Variants in DIAPH2 observed in about 807,000 individuals in gnomAD.
DIAPH2 encodes the protein diaphanous related formin 2, also known as protein diaphanous homolog 2.
Under a neutral mutation model 92.7 loss-of-function variants are expected in DIAPH2, and 35 were observed. The observed-to-expected ratio is 0.38, with a 90% CI of 0.29 to 0.50. The LOEUF is 0.50. Among genes scored for constraint, DIAPH2 ranks in the 20% least tolerant of loss-of-function variants. DIAPH2 has a pLI of 0.94. For synonymous variants in DIAPH2, 301 were observed against 280.4 expected, an observed-to-expected ratio of 1.07 and a Z score of -0.73; for missense variants, 701 against 819.5, an observed-to-expected ratio of 0.86 and a Z score of 1.77.
At chrX:97,344,183 G>A (rs1052840144) in intron 23 of DIAPH2, among the ~76,000 whole-genome samples, 1 of 111,513 alleles carries the variant, frequency 9.0e-6, no homozygotes, top group Non-Finnish European at 1.9e-5. Context: ...TCATTCTATC[G>A]ACCACAATGC....
intron 26 of DIAPH2, chrX:97,528,229 G>A (rs2071036431): frequency 8.9e-6 from 1 of 112,367 alleles, no homozygotes; most frequent in African/African-American, 3.2e-5. Context: ...GAGATGATAT[G>A]TAAACCGCAA....
At chrX:97,109,635 C>T (rs149041857) in intron 20 of DIAPH2, among the ~76,000 whole-genome samples, 413 of 110,993 alleles carry the variant, frequency 3.7e-3, no homozygotes, top group East Asian at 0.015. Context: ...TGGGCCTTGG[C>T]GGTATTGTTG....
chrX:96,717,534 A>ATTT (rs58337121), intron 1 of DIAPH2, among the ~76,000 whole-genome samples: 16 of 91,178 alleles, frequency 1.8e-4, no homozygotes, highest in African/African-American at 6.3e-4. Flanking sequence ...ATACCAGGTG[A>ATTT]TTTTTTTTTT....
intron 26 of DIAPH2, among the ~76,000 whole-genome samples, chrX:97,452,649 C>T (rs2070368857): frequency 8.9e-6 from 1 of 111,843 alleles, no homozygotes; most frequent in Admixed American, 9.5e-5. Context: ...TTGGTCAGTG[C>T]CCCTTTTCTA....
intron 22 of DIAPH2, among the ~76,000 whole-genome samples, chrX:97,163,382 G>T (rs1048505021): frequency 9.0e-6 from 1 of 110,721 alleles, no homozygotes. Context: ...CAGAGCTGGG[G>T]TTTTGCCATC....
intron 4 of DIAPH2, among the ~76,000 whole-genome samples, chrX:96,832,583 A>T (rs2147690856): frequency 9.0e-6 from 1 of 111,600 alleles, no homozygotes; most frequent in African/African-American, 3.2e-5. Context: ...TGGGTAGTTA[A>T]GTGCCAGACA....
chrX:97,059,052 G>T (rs964606260), intron 17 of DIAPH2, among the ~76,000 whole-genome samples: 2 of 111,931 alleles, frequency 1.8e-5, no homozygotes, highest in Admixed American at 1.9e-4. Flanking sequence ...CAGCAAAAAT[G>T]TGAAGGGAGA....
intron 25 of DIAPH2, among the ~76,000 whole-genome samples, chrX:97,390,199 GCTTT>G (rs1436634396): frequency 7.0e-5 from 6 of 85,683 alleles, no homozygotes; most frequent in African/African-American, 2.5e-4. Flanking sequence ...CTTTTTCCCT[GCTTT>G]CTGTCTTTTT....
At chrX:97,579,642 G>T (rs1404825839) in intron 26 of DIAPH2, among the ~76,000 whole-genome samples, 1 of 110,693 alleles carries the variant, frequency 9.0e-6, no homozygotes, top group East Asian at 2.8e-4. Flanking sequence ...GATTGTCTTG[G>T]CGATGCGGGC....
chrX:97,297,422 A>C, intron 23 of DIAPH2, among the ~76,000 whole-genome samples: 1 of 109,161 alleles, frequency 9.2e-6, no homozygotes, highest in Admixed American at 1.0e-4. Flanking sequence ...TTCTTGTATA[A>C]TGTAGATTTA....
intron 26 of DIAPH2, among the ~76,000 whole-genome samples, chrX:97,438,355 G>GTTTTTTTTTTTTTTTTTTTTTT (rs1275825737): frequency 4.8e-5 from 2 of 41,840 alleles, no homozygotes; most frequent in Non-Finnish European, 8.9e-5. Flanking sequence ...TTTTTTGTTT[G>GTTTTTTTTTTTTTTTTTTTTTT]TTTGTTTTTT....
chrX:97,335,368 G>T (rs1018197659), intron 23 of DIAPH2, among the ~76,000 whole-genome samples: 12 of 111,699 alleles, frequency 1.1e-4, no homozygotes, highest in Non-Finnish European at 2.3e-4. Flanking sequence ...TTAATCTCTA[G>T]CAGTTTCTTA....
At chrX:96,888,852 T>C (rs944123662) in intron 5 of DIAPH2, among the ~76,000 whole-genome samples, 3 of 94,168 alleles carry the variant, frequency 3.2e-5, no homozygotes, top group African/African-American at 1.3e-4. Flanking sequence ...GCCCAGCAAG[T>C]GTCAGTGTTA....
At chrX:97,514,625 C>T (rs2070926940) in intron 26 of DIAPH2, among the ~76,000 whole-genome samples, 1 of 110,780 alleles carries the variant, frequency 9.0e-6, no homozygotes, top group Non-Finnish European at 1.9e-5. Flanking sequence ...TCTGTTTTTT[C>T]CCCATCTTTG....
At chrX:97,048,843 T>G (rs768244763) in intron 17 of DIAPH2, among the ~76,000 whole-genome samples, 5 of 111,264 alleles carry the variant, frequency 4.5e-5, no homozygotes, top group Non-Finnish European at 9.5e-5. Context: ...TGGTGCTAAA[T>G]TTTTGCCAGA....
intron 22 of DIAPH2, among the ~76,000 whole-genome samples, chrX:97,207,145 T>C (rs754374459): frequency 3.6e-5 from 4 of 111,790 alleles, no homozygotes; most frequent in African/African-American, 6.5e-5. Context: ...TTTATTGTTG[T>C]TTTTGGCTAA....
At chrX:97,085,422 T>A (rs1267752065) in intron 19 of DIAPH2, among the ~76,000 whole-genome samples, 1 of 111,093 alleles carries the variant, frequency 9.0e-6, no homozygotes, top group African/African-American at 3.3e-5. Flanking sequence ...AATTTTTGTT[T>A]GTTTGTTTGT....
In DIAPH2 at chrX:97,400,896, A is replaced by AT. The variant is rs781569904; in HGVS notation, c.3145+16869dup. On this transcript the variant is annotated intron_variant, in intron 25 of 26. Transcript: ENST00000324765. ...ATTTATACTTACCCACATATTATTC[A>AT]TTTTTTTTTTTTTTTTTAGACAAGG... Among the ~76,000 whole-genome samples, 616 of 91,763 alleles carry AT rather than the reference A, an allele frequency of 6.7e-3. 1 individual carries two copies. The highest frequency in any genetic ancestry group is 0.017 in the South Asian group (34 of 2,007). The allele number at this position is 91,763 out of a possible 115,157, so 79.7% of individuals were successfully genotyped here.
intron 5 of DIAPH2, among the ~76,000 whole-genome samples, chrX:96,911,245 A>AT (rs2065466868): frequency 9.0e-6 from 1 of 111,566 alleles, no homozygotes; most frequent in African/African-American, 3.3e-5. Flanking sequence ...AGAGAAAAGA[A>AT]TGAAGTTGGG....
Sources: gnomAD v4.1 joint callset for allele counts (sites outside exome capture counted in the v4.1 genomes callset) on GRCh38, gnomAD v4.1.1 for gene constraint, MANE v1.5 for transcripts, NCBI Gene and HGNC (gene_info 2026-07-23, HGNC 2026-07-21) for gene names.